Variants in HDAC9 observed in about 807,000 individuals in gnomAD.
The protein encoded by HDAC9 is MEF-2 interacting transcription repressor (MITR) protein.
Under a neutral mutation model 139.4 loss-of-function variants are expected in HDAC9, and 41 were observed. The ratio of observed to expected loss-of-function variants is 0.29; its 90% CI spans 0.23 to 0.38. The LOEUF (loss-of-function observed/expected upper bound fraction) is 0.38. Ranked by LOEUF, HDAC9 falls within the 10% of genes least tolerant of loss-of-function variation. The pLI is 1.00. For missense variants in HDAC9, 1,147 were observed against 1,297.0 expected (o/e 0.88, Z 1.78); for synonymous variants, 517 against 476.2 (o/e 1.09, Z -1.12).
intron 12 of HDAC9, among the ~76,000 whole-genome samples, chr7:18,719,468 T>C (rs148490901): frequency 0.018 from 2,789 of 151,320 alleles, 87 homozygotes; most frequent in African/African-American, 0.064. Flanking sequence ...GCCTCCCTAG[T>C]AGCTGGGATT....
intron 1 of HDAC9, among the ~76,000 whole-genome samples, chr7:18,336,022 G>T (rs1165237926): frequency 6.6e-6 from 1 of 151,520 alleles, no homozygotes; most frequent in East Asian, 1.9e-4. Context: ...ATTTAGTTTA[G>T]AGCAATGCTT....
chr7:18,399,686 G>A (rs1787363842), intron 1 of HDAC9, among the ~76,000 whole-genome samples: 1 of 152,182 alleles, frequency 6.6e-6, no homozygotes. Flanking sequence ...CAAGAGAACT[G>A]GAGCTGCTTC....
chr7:18,468,727 G>T (rs915081357), intron 1 of HDAC9, among the ~76,000 whole-genome samples: 2 of 152,162 alleles, frequency 1.3e-5, no homozygotes, highest in Non-Finnish European at 2.9e-5. Flanking sequence ...TGTATTTTGT[G>T]CAAAAATAAA....
intron 22 of HDAC9, among the ~76,000 whole-genome samples, chr7:18,927,884 C>CT (rs1389108722): frequency 2.6e-5 from 4 of 152,028 alleles, no homozygotes; most frequent in Non-Finnish European, 5.9e-5. Flanking sequence ...TTTGTTGTTT[C>CT]TTTTTTTAAC....
At chr7:18,797,495 C>G (rs889906705) in intron 17 of HDAC9, among the ~76,000 whole-genome samples, 1 of 152,096 alleles carries the variant, frequency 6.6e-6, no homozygotes, top group Admixed American at 6.6e-5. Flanking sequence ...TATCTCATTC[C>G]TATATTTTAA....
chr7:18,772,318 T>G (rs1790365317), intron 16 of HDAC9, among the ~76,000 whole-genome samples: 1 of 152,028 alleles, frequency 6.6e-6, no homozygotes, highest in Admixed American at 6.6e-5. Flanking sequence ...TAGAGAATTT[T>G]TTTCTTCCAA....
intron 17 of HDAC9, among the ~76,000 whole-genome samples, chr7:18,798,768 T>C (rs1793027787): frequency 6.6e-6 from 1 of 152,070 alleles, no homozygotes; most frequent in Admixed American, 6.6e-5. Flanking sequence ...TGGATAACAA[T>C]GGGGCAAACA....
chr7:18,561,824 C>T (rs936986517), intron 2 of HDAC9, among the ~76,000 whole-genome samples: 1 of 152,200 alleles, frequency 6.6e-6, no homozygotes, highest in African/African-American at 2.4e-5. Context: ...CGATATACCA[C>T]ATTTTATTTA....
At chr7:18,736,234 C>T (rs1317073005) in intron 13 of HDAC9, among the ~76,000 whole-genome samples, 2 of 152,164 alleles carry the variant, frequency 1.3e-5, no homozygotes, top group Non-Finnish European at 2.9e-5. Flanking sequence ...ATTTCTATCT[C>T]TTGCCTGATT....
chr7:18,689,880 A>C (rs529272145), intron 12 of HDAC9, among the ~76,000 whole-genome samples: 4 of 149,864 alleles, frequency 2.7e-5, no homozygotes, highest in Non-Finnish European at 4.4e-5. Flanking sequence ...AATTTTATTA[A>C]GAAAAGAAAT....
intron 12 of HDAC9, among the ~76,000 whole-genome samples, chr7:18,724,799 G>T (rs535900248): frequency 6.6e-6 from 1 of 152,224 alleles, no homozygotes; most frequent in East Asian, 1.9e-4. Flanking sequence ...CATAAAAAAG[G>T]TTCTGCACAC....
chr7:18,262,567 C>T (rs1795748718), intron 2 of HDAC9, among the ~76,000 whole-genome samples: 1 of 152,058 alleles, frequency 6.6e-6, no homozygotes, highest in Non-Finnish European at 1.5e-5. Flanking sequence ...AAGGTAACTG[C>T]ATAGGTAAAT....
At chr7:18,355,147 A>G (rs1163369468) in intron 1 of HDAC9, among the ~76,000 whole-genome samples, 1 of 152,194 alleles carries the variant, frequency 6.6e-6, no homozygotes, top group East Asian at 1.9e-4. Context: ...ACCAAGGGCT[A>G]TGCTCCAAGT....
intron 22 of HDAC9, among the ~76,000 whole-genome samples, chr7:18,916,088 A>G (rs565341713): frequency 1.3e-5 from 2 of 151,546 alleles, no homozygotes; most frequent in African/African-American, 4.8e-5. Context: ...AAACACCTGC[A>G]TTTGGCTGTT....
At chr7:18,263,829 G>C (rs1048718246) in intron 2 of HDAC9, among the ~76,000 whole-genome samples, 9 of 152,048 alleles carry the variant, frequency 5.9e-5, no homozygotes, top group African/African-American at 2.2e-4. Flanking sequence ...ATGTTCACCA[G>C]TCTGGTCTTG....
At chr7:18,742,500 G>A (rs972240343) in intron 13 of HDAC9, among the ~76,000 whole-genome samples, 2 of 152,116 alleles carry the variant, frequency 1.3e-5, no homozygotes, top group Non-Finnish European at 2.9e-5. Context: ...ACTTTTACAA[G>A]CATAAGCAAA....
At chr7:18,991,084 T>C (rs940471006) in intron 25 of HDAC9, among the ~76,000 whole-genome samples, 1 of 152,236 alleles carries the variant, frequency 6.6e-6, no homozygotes, top group Admixed American at 6.5e-5. Flanking sequence ...TTTATTCTTT[T>C]GTTGCAAATT....
chr7:18,550,085 G>T (rs1035851002), intron 2 of HDAC9, among the ~76,000 whole-genome samples: 4 of 151,480 alleles, frequency 2.6e-5, no homozygotes, highest in Non-Finnish European at 4.4e-5. Context: ...TTATAATTTG[G>T]ATATATAACT....
chr7:18,681,237 G>C (rs1227311789), intron 12 of HDAC9, among the ~76,000 whole-genome samples: 2 of 151,840 alleles, frequency 1.3e-5, no homozygotes, highest in East Asian at 3.9e-4. Context: ...TGTTGAAAAA[G>C]AAAATATTTT....
Sources: gnomAD v4.1 joint callset for allele counts (sites outside exome capture counted in the v4.1 genomes callset) on GRCh38, gnomAD v4.1.1 for gene constraint, MANE v1.5 for transcripts, NCBI Gene and HGNC (gene_info 2026-07-23, HGNC 2026-07-21) for gene names.